STMN4: variants seen among roughly 807,000 people sequenced by gnomAD.
STMN4 encodes the protein stathmin 4.
A neutral mutation model predicts 29.1 loss-of-function variants in STMN4; 12 were observed. The ratio of observed to expected loss-of-function variants is 0.41; its 90% CI spans 0.26 to 0.67. The LOEUF is 0.67. Among genes scored for constraint, STMN4 ranks in the 30% least tolerant of loss-of-function variants. STMN4 has a pLI of 0.30. For missense variants in STMN4, 181 were observed against 262.8 expected, an observed-to-expected ratio of 0.69 and a Z score of 2.15; for synonymous variants, 114 against 105.3, an observed-to-expected ratio of 1.08 and a Z score of -0.51.
chr8:27,247,950 C>T (rs1563418923), intron 1 of STMN4, among the ~76,000 whole-genome samples: 1 of 152,156 alleles, frequency 6.6e-6, no homozygotes, highest in Admixed American at 6.5e-5. Flanking sequence ...TTCTATTGCC[C>T]CTAAGGAAGA....
chr8:27,237,868 G>T lies in STMN4; in HGVS notation c.592-963C>A, dbSNP rs561984380. Among the ~76,000 whole-genome samples, 20 of 152,258 alleles carry T rather than the reference G, an allele frequency of 1.3e-4. No homozygotes were observed. In the South Asian group the frequency reaches 3.5e-3, roughly 27 times the overall value. ...CTATTAGACAGTTCTCTATTAGACGGTGACTTTCCTGTGGGTAGGGACCAC... is the reference window on the plus strand; with the variant it reads ...CTATTAGACAGTTCTCTATTAGACGTTGACTTTCCTGTGGGTAGGGACCAC... On this transcript the variant is annotated intron_variant, in intron 6 of 6. Transcript: ENST00000350889.
intron 1 of STMN4, among the ~76,000 whole-genome samples, chr8:27,254,660 AT>A (rs1482619464): frequency 7.5e-6 from 1 of 133,594 alleles, no homozygotes; most frequent in Non-Finnish European, 1.6e-5. Flanking sequence ...GAGTGTTCAG[AT>A]GTGGGGGTTC....
chr8:27,248,368 A>G (rs924694920), intron 1 of STMN4, among the ~76,000 whole-genome samples: 9 of 152,250 alleles, frequency 5.9e-5, no homozygotes, highest in Admixed American at 5.2e-4. Flanking sequence ...TCACCTTGCA[A>G]TGACTGTGAA....
At chr8:27,238,813 T>G (rs1469254573) in intron 6 of STMN4, among the ~76,000 whole-genome samples, 1 of 151,732 alleles carries the variant, frequency 6.6e-6, no homozygotes, top group Non-Finnish European at 1.5e-5. Flanking sequence ...CCTCAGGGAC[T>G]TGTTGTGAGG....
At chr8:27,256,753 A>G (rs768449892) in intron 1 of STMN4, among the ~76,000 whole-genome samples, 1 of 152,218 alleles carries the variant, frequency 6.6e-6, no homozygotes, top group Non-Finnish European at 1.5e-5. Context: ...TGATTTCACA[A>G]TGTACTAATG....
At chr8:27,238,457 G>A (rs1029079437) in intron 6 of STMN4, among the ~76,000 whole-genome samples, 1 of 152,148 alleles carries the variant, frequency 6.6e-6, no homozygotes, top group Non-Finnish European at 1.5e-5. Context: ...GAGTCTACCC[G>A]ACCTCCACAG....
intron 1 of STMN4, among the ~76,000 whole-genome samples, chr8:27,255,274 A>C (rs970712975): frequency 6.6e-6 from 1 of 152,218 alleles, no homozygotes; most frequent in Admixed American, 6.5e-5. Context: ...TACGAAAATT[A>C]CACTTTACAT....
intron 6 of STMN4, chr8:27,239,593 G>A (rs1005263983): frequency 1.9e-6 from 2 of 1,041,172 alleles, no homozygotes; most frequent in Middle Eastern, 3.2e-4. Flanking sequence ...GCTCAAGAAA[G>A]CATCTTTCCT....
chr8:27,244,664 G>A (rs933256054), intron 1 of STMN4, among the ~76,000 whole-genome samples: 15 of 152,232 alleles, frequency 9.9e-5, no homozygotes, highest in Non-Finnish European at 2.2e-4. Context: ...GGAACATCAC[G>A]GCCAAGGGTC....
In STMN4 at chr8:27,240,093, C is replaced by T; in HGVS notation, c.469G>A (p.Ala157Thr). 1 of 1,614,178 alleles carries T rather than the reference C, an allele frequency of 6.2e-7. No individual in the cohort carries two copies. ...ATGAAGTTGTTGTTTTCCTCAATGG[C>T]CTTTTGGATCACCTCTCTCTCATGT... is the stretch of plus-strand genomic sequence containing the variant. ...REHEREVIQKAIEENNNFIKM... is the reference protein window; with the variant it reads ...REHEREVIQKTIEENNNFIKM... The change falls in exon 6 of 7, where the codon GCC becomes ACC. Residue 157 changes from alanine (A) to threonine (T), a missense_variant. Coordinates refer to ENST00000350889, the MANE Select transcript of STMN4 (RefSeq NM_030795.4).
At chr8:27,241,930 C>G (rs2130072475) in intron 3 of STMN4, among the ~76,000 whole-genome samples, 173 bp from the exon 4 acceptor site, 1 of 152,306 alleles carries the variant, frequency 6.6e-6, no homozygotes, top group East Asian at 1.9e-4. Context: ...GGGGCTGTCC[C>G]GGCTACAGGC....
rs1175053680 is a variant in STMN4 at position 27,235,942 on chromosome 8, T to C, written c.*904A>G. On this transcript the variant is annotated 3_prime_UTR_variant, in exon 7 of 7. Coordinates refer to ENST00000350889, the MANE Select transcript of STMN4 (RefSeq NM_030795.4). ...AATTACTTAGTCTAAGGTATTTTGT[T>C]ACAGCAGTCTGAACGGTTGTGACTA... The C allele has an allele frequency of 1.3e-5, 2 of 152,238 alleles. No individual in the cohort carries two copies. The highest frequency in any genetic ancestry group is 4.8e-5 in the African/African-American group (2 of 41,454). The allele number at this position is 152,238 out of a possible 1,614,324, so 9.4% of individuals were successfully genotyped here.
intron 1 of STMN4, among the ~76,000 whole-genome samples, chr8:27,252,351 G>T (rs778833757): frequency 1.3e-5 from 2 of 152,060 alleles, no homozygotes; most frequent in Non-Finnish European, 2.9e-5. Context: ...GGGTCAAATG[G>T]TATTTCCAGT....
Position 27,255,072 on chromosome 8 carries a change from A to C in STMN4, c.-79+3279T>G, listed in dbSNP as rs549949707. On this transcript the variant is annotated intron_variant, in intron 1 of 6. Transcript: ENST00000350889. ...AGAGATGTAAAACTCTGAAAAAAAA[A>C]ACAATTTTTAAATGGCAGGGAAGAA... Among the ~76,000 whole-genome samples the C allele has an allele frequency of 1.5e-3, 236 of 152,268 alleles. 1 individual carries two copies. Among genetic ancestry groups the C allele is most frequent in the East Asian group, 3.9e-4 (2 of 5,190 alleles).
At position 27,249,093 on chromosome 8, in the gene STMN4, A is replaced by ACC. The variant is rs141448591; in HGVS notation, c.-78-5294_-78-5293dup. On this transcript the variant is annotated intron_variant, in intron 1 of 6. Coordinates refer to ENST00000350889, the MANE Select transcript of STMN4 (RefSeq NM_030795.4). ...TTAAGAAATAAATTAGTGGGTGATA[A>ACC]CCCCCCCCAAGCACAGAGCCAGCCG... Among the ~76,000 whole-genome samples, 278 of 151,792 alleles carry ACC rather than the reference A, an allele frequency of 1.8e-3. 1 individual carries two copies. The highest frequency in any genetic ancestry group is 6.3e-3 in the African/African-American group (260 of 41,348).
chr8:27,250,290 G>A (rs1019281299), intron 1 of STMN4, among the ~76,000 whole-genome samples: 1 of 152,204 alleles, frequency 6.6e-6, no homozygotes, highest in African/African-American at 2.4e-5. Flanking sequence ...GCAGCCATGT[G>A]TCTTCTTTGG....
chr8:27,252,290 T>C (rs1801812980), intron 1 of STMN4, among the ~76,000 whole-genome samples: 1 of 152,230 alleles, frequency 6.6e-6, no homozygotes, highest in Admixed American at 6.5e-5. Context: ...TGTGTCTTTA[T>C]AGCAGCATGA....
At chr8:27,255,947 G>A (rs1801928502) in intron 1 of STMN4, among the ~76,000 whole-genome samples, 1 of 151,998 alleles carries the variant, frequency 6.6e-6, no homozygotes, top group African/African-American at 2.4e-5. Context: ...AGGTCCTTTA[G>A]AATGAAGTAA....
chr8:27,239,181 A>G, intron 6 of STMN4: 1 of 1,528,032 alleles, frequency 6.5e-7, no homozygotes, highest in Non-Finnish European at 8.7e-7. Context: ...AGGGCCTGAG[A>G]CTCTAGGTGG....
Sources: gnomAD v4.1 joint callset for allele counts (sites outside exome capture counted in the v4.1 genomes callset) on GRCh38, gnomAD v4.1.1 for gene constraint, MANE v1.5 for transcripts, NCBI Gene and HGNC (gene_info 2026-07-23, HGNC 2026-07-21) for gene names.